PRKD1: variants seen among roughly 807,000 people sequenced by gnomAD.
PRKD1 encodes the protein protein kinase D1.
A neutral mutation model predicts 95.9 loss-of-function variants in PRKD1; 63 were observed. The ratio of observed to expected loss-of-function variants is 0.66; its 90% CI spans 0.54 to 0.81. The LOEUF (loss-of-function observed/expected upper bound fraction) is 0.81. Ranked by LOEUF, PRKD1 falls within the 30% of genes least tolerant of loss-of-function variation. The probability of loss-of-function intolerance (pLI) is 0.00; values close to 1 mark genes in which losing one functional copy is unlikely to be tolerated. For synonymous variants in PRKD1, 425 were observed against 423.1 expected (o/e 1.00, Z -0.05); for missense variants, 1,048 against 1,165.3 (o/e 0.90, Z 1.47).
chr14:29,772,595 G>C (rs1013085164), intron 1 of PRKD1, among the ~76,000 whole-genome samples: 3 of 152,048 alleles, frequency 2.0e-5, no homozygotes, highest in Non-Finnish European at 2.9e-5. Flanking sequence ...AAATGTTCTT[G>C]ATACCTACTT....
intron 1 of PRKD1, among the ~76,000 whole-genome samples, chr14:29,822,708 T>C (rs1213394216): frequency 6.6e-6 from 1 of 152,138 alleles, no homozygotes; most frequent in Non-Finnish European, 1.5e-5. Context: ...TAGATCTAAG[T>C]ACAGAATCCT....
intron 1 of PRKD1, among the ~76,000 whole-genome samples, chr14:29,729,519 C>G (rs1886330385): frequency 6.6e-6 from 1 of 152,018 alleles, no homozygotes; most frequent in Admixed American, 6.6e-5. Context: ...GATGTCTCTT[C>G]ATTAATTTCT....
intron 2 of PRKD1, among the ~76,000 whole-genome samples, chr14:29,706,765 A>G (rs1178154294): frequency 6.6e-6 from 1 of 152,124 alleles, no homozygotes; most frequent in Non-Finnish European, 1.5e-5. Flanking sequence ...AGTATCTTCT[A>G]CTTTAAAACC....
chr14:29,806,453 GA>G (rs140860371), intron 1 of PRKD1, among the ~76,000 whole-genome samples: 18 of 147,646 alleles, frequency 1.2e-4, no homozygotes, highest in South Asian at 6.5e-4. Context: ...GGTTGCAGGA[GA>G]AAAAAAAAAT....
At chr14:29,719,093 A>G (rs1158976568) in intron 2 of PRKD1, among the ~76,000 whole-genome samples, 1 of 152,084 alleles carries the variant, frequency 6.6e-6, no homozygotes, top group Non-Finnish European at 1.5e-5. Flanking sequence ...TGTTGTTACC[A>G]TATTTTTTTT....
At chr14:29,912,285 G>A (rs919598504) in intron 1 of PRKD1, among the ~76,000 whole-genome samples, 19 of 151,836 alleles carry the variant, frequency 1.3e-4, no homozygotes, top group African/African-American at 3.6e-4. Context: ...AGCCTACCAC[G>A]AAGTGTTATT....
intron 1 of PRKD1, among the ~76,000 whole-genome samples, chr14:29,883,289 A>G (rs1447507084): frequency 6.6e-6 from 1 of 152,196 alleles, no homozygotes; most frequent in Admixed American, 6.5e-5. Flanking sequence ...ATTTCAATAT[A>G]AGGTTTGGGT....
chr14:29,884,688 G>A (rs750599795), intron 1 of PRKD1, among the ~76,000 whole-genome samples: 122 of 152,324 alleles, frequency 8.0e-4, no homozygotes, highest in Non-Finnish European at 1.1e-3. Context: ...AGGTGACAAA[G>A]ACAGATGCTA....
chr14:29,833,760 C>CTTCCTA (rs2139300225), intron 1 of PRKD1, among the ~76,000 whole-genome samples: 1 of 152,146 alleles, frequency 6.6e-6, no homozygotes, highest in South Asian at 2.1e-4. Context: ...GTTGACTTAT[C>CTTCCTA]TTCCTATACA....
intron 4 of PRKD1, among the ~76,000 whole-genome samples, chr14:29,639,995 T>C (rs1237413838): frequency 6.6e-6 from 1 of 152,228 alleles, no homozygotes; most frequent in African/African-American, 2.4e-5. Flanking sequence ...AGAATAAATG[T>C]ATTTTAGAAT....
chr14:29,797,243 T>A (rs1207035438), intron 1 of PRKD1, among the ~76,000 whole-genome samples: 1 of 152,208 alleles, frequency 6.6e-6, no homozygotes, highest in Non-Finnish European at 1.5e-5. Context: ...TGCAAAGCCG[T>A]ATCAGATGGT....
Position 29,859,540 on chromosome 14 carries a change from G to A in PRKD1, c.264+67709C>T, listed in dbSNP as rs1175846329. Among the ~76,000 whole-genome samples the A allele has an allele frequency of 5.3e-5, 8 of 151,554 alleles. No individual in the cohort carries two copies. The East Asian group carries it at 5.8e-4, about 11-fold the overall frequency. On this transcript the variant is annotated intron_variant, in intron 1 of 17. Coordinates refer to ENST00000331968, the MANE Select transcript of PRKD1 (RefSeq NM_002742.3). ...GGAGAATGGCATGAACCCAGGAGGC[G>A]GAGCTTGCAGTGAGCTGAGATCCTG...
At chr14:29,707,450 T>C (rs1445933519) in intron 2 of PRKD1, among the ~76,000 whole-genome samples, 1 of 152,292 alleles carries the variant, frequency 6.6e-6, no homozygotes, top group East Asian at 1.9e-4. Context: ...GTATTGTGCT[T>C]ATTGTCAGGC....
chr14:29,797,948 C>T (rs1219965753), intron 1 of PRKD1, among the ~76,000 whole-genome samples: 1 of 152,144 alleles, frequency 6.6e-6, no homozygotes, highest in Non-Finnish European at 1.5e-5. Context: ...CCCATATATA[C>T]CAGTAATTCA....
At chr14:29,787,591 A>T (rs1394305649) in intron 1 of PRKD1, among the ~76,000 whole-genome samples, 1 of 151,894 alleles carries the variant, frequency 6.6e-6, no homozygotes, top group African/African-American at 2.4e-5. Context: ...GGCTTTCTTT[A>T]TCTCTTTTTA....
At chr14:29,682,724 G>C (rs1883605859) in intron 2 of PRKD1, among the ~76,000 whole-genome samples, 1 of 152,330 alleles carries the variant, frequency 6.6e-6, no homozygotes, top group South Asian at 2.1e-4. Flanking sequence ...ATTATAGGTA[G>C]AATGGGACAA....
At chr14:29,643,980 A>G (rs188158643) in intron 4 of PRKD1, among the ~76,000 whole-genome samples, 39 of 152,322 alleles carry the variant, frequency 2.6e-4, no homozygotes, top group Non-Finnish European at 4.3e-4. Flanking sequence ...ACACGCCAAC[A>G]TCTCTTTATG....
intron 1 of PRKD1, among the ~76,000 whole-genome samples, chr14:29,857,766 G>T (rs1056382285): frequency 1.3e-5 from 2 of 152,172 alleles, no homozygotes; most frequent in African/African-American, 4.8e-5. Context: ...AGGCAGCGAG[G>T]GGAAACAGGG....
At chr14:29,602,361 T>C (rs1410894559) in intron 13 of PRKD1, among the ~76,000 whole-genome samples, 1 of 151,728 alleles carries the variant, frequency 6.6e-6, no homozygotes, top group Admixed American at 6.6e-5. Flanking sequence ...ACGCAATGAC[T>C]GGGGAGTCCT....
Sources: allele counts gnomAD v4.1 joint callset (sites outside exome capture counted in the v4.1 genomes callset), GRCh38; gene constraint gnomAD v4.1.1; transcripts MANE v1.5; gene names NCBI Gene and HGNC (gene_info 2026-07-23, HGNC 2026-07-21).